Variants in RUNDC3B observed in about 807,000 individuals in gnomAD.
The protein encoded by RUNDC3B is RUN domain containing 3B, also known as RUN domain-containing protein 3B.
A neutral mutation model predicts 58.4 loss-of-function variants in RUNDC3B; 33 were observed. The ratio of observed to expected loss-of-function variants is 0.56; its 90% CI spans 0.43 to 0.75. RUNDC3B has a LOEUF of 0.75. Ranked by LOEUF, RUNDC3B falls within the 30% of genes least tolerant of loss-of-function variation. The pLI is 0.00. For synonymous variants in RUNDC3B, 193 were observed against 195.2 expected (o/e 0.99, Z 0.10); for missense variants, 501 against 535.7 (o/e 0.94, Z 0.64).
chr7:87,819,324 CAAG>C (rs1837270684), intron 10 of RUNDC3B, among the ~76,000 whole-genome samples: 1 of 152,108 alleles, frequency 6.6e-6, no homozygotes, highest in Non-Finnish European at 1.5e-5. Context: ...ATCAATTCAA[CAAG>C]AAGAGCTAAC....
chr7:87,743,480 T>A lies in RUNDC3B; in HGVS notation c.629+1901T>A, dbSNP rs551857080. 1.4e-3 allele frequency among the ~76,000 whole-genome samples: 208 copies of A among 152,308 alleles called. 1 individual carries two copies. Among genetic ancestry groups the A allele is most frequent in the African/African-American group, 4.9e-3 (205 of 41,576 alleles). On this transcript the variant is annotated intron_variant, in intron 6 of 10. Coordinates refer to ENST00000394654, the MANE Select transcript of RUNDC3B (RefSeq NM_001134405.2). Reference sequence around the variant, plus strand: ...TTGCTGCATCCACACCAACATCTACTGTTTTTTGATTTTTTTTATTATGGC... The same window carrying A: ...TTGCTGCATCCACACCAACATCTACAGTTTTTTGATTTTTTTTATTATGGC...
At chr7:87,801,030 TG>T (rs746647457) in intron 8 of RUNDC3B, among the ~76,000 whole-genome samples, 3 of 152,238 alleles carry the variant, frequency 2.0e-5, no homozygotes, top group Non-Finnish European at 4.4e-5. Context: ...TACAAAATTT[TG>T]AGTGTGTTTT....
At chr7:87,761,353 G>A (rs771184192) in intron 6 of RUNDC3B, among the ~76,000 whole-genome samples, 1 of 151,902 alleles carries the variant, frequency 6.6e-6, no homozygotes, top group Non-Finnish European at 1.5e-5. Flanking sequence ...ATGTGGAGAA[G>A]TTGCATTTCT....
At chr7:87,739,461 T>C (rs186167104) in intron 4 of RUNDC3B, among the ~76,000 whole-genome samples, 1 of 152,172 alleles carries the variant, frequency 6.6e-6, no homozygotes, top group African/African-American at 2.4e-5. Context: ...TTTACATTTA[T>C]ATTGCTTCAC....
intron 1 of RUNDC3B, among the ~76,000 whole-genome samples, chr7:87,630,528 A>T (rs1274443991): frequency 6.6e-6 from 1 of 152,124 alleles, no homozygotes; most frequent in South Asian, 2.1e-4. Context: ...AGCAAGGCTG[A>T]TTTTCTTAAC....
chr7:87,705,988 G>T (rs540836613), intron 3 of RUNDC3B, among the ~76,000 whole-genome samples: 7 of 152,114 alleles, frequency 4.6e-5, no homozygotes, highest in African/African-American at 1.4e-4. Flanking sequence ...CTGTCTTCTT[G>T]TATATTTTGT....
At chr7:87,730,548 T>C (rs758142190) in intron 4 of RUNDC3B, among the ~76,000 whole-genome samples, 1 of 151,884 alleles carries the variant, frequency 6.6e-6, no homozygotes, top group Non-Finnish European at 1.5e-5. Context: ...CACAGTAGAA[T>C]AGAGCACCAG....
intron 2 of RUNDC3B, among the ~76,000 whole-genome samples, chr7:87,672,366 C>G (rs1585058987): frequency 6.6e-6 from 1 of 152,152 alleles, no homozygotes; most frequent in Admixed American, 6.5e-5. Flanking sequence ...GGTGCCCAAA[C>G]AGCATAGATG....
intron 8 of RUNDC3B, among the ~76,000 whole-genome samples, chr7:87,785,121 A>G (rs1396173408): frequency 6.6e-6 from 1 of 151,942 alleles, no homozygotes; most frequent in African/African-American, 2.4e-5. Context: ...AGCCTGGCAA[A>G]TGGCTGTGGG....
intron 4 of RUNDC3B, among the ~76,000 whole-genome samples, chr7:87,728,595 ATCT>A (rs1161325604): frequency 3.9e-5 from 6 of 152,092 alleles, no homozygotes; most frequent in African/African-American, 9.7e-5. Flanking sequence ...CTTTTGTCAC[ATCT>A]TCTTCTCTGA....
At chr7:87,658,777 T>C (rs1290408919) in intron 2 of RUNDC3B, among the ~76,000 whole-genome samples, 2 of 152,164 alleles carry the variant, frequency 1.3e-5, no homozygotes, top group Non-Finnish European at 2.9e-5. Context: ...TCTTCAGCAA[T>C]GAAGGAAACA....
intron 2 of RUNDC3B, among the ~76,000 whole-genome samples, chr7:87,654,702 G>A (rs1025301741): frequency 3.9e-5 from 6 of 151,930 alleles, no homozygotes; most frequent in Non-Finnish European, 7.4e-5. Flanking sequence ...ACAAGCACAG[G>A]CAACTAAAGG....
chr7:87,739,575 G>GT (rs1293319028), intron 4 of RUNDC3B, among the ~76,000 whole-genome samples: 1 of 151,880 alleles, frequency 6.6e-6, no homozygotes, highest in Non-Finnish European at 1.5e-5. Flanking sequence ...ATATTGGCAG[G>GT]TTTTAGTTTC....
At chr7:87,683,639 A>C (rs531211310) in intron 2 of RUNDC3B, among the ~76,000 whole-genome samples, 53 of 152,318 alleles carry the variant, frequency 3.5e-4, no homozygotes, top group African/African-American at 1.2e-3. Flanking sequence ...GGTGTGGTTC[A>C]TGGCGCCCCA....
chr7:87,708,980 C>T (rs1438490488), intron 3 of RUNDC3B, among the ~76,000 whole-genome samples: 4 of 152,160 alleles, frequency 2.6e-5, no homozygotes, highest in African/African-American at 9.6e-5. Flanking sequence ...CTGAAAACAT[C>T]TAAATTCCTT....
intron 2 of RUNDC3B, among the ~76,000 whole-genome samples, chr7:87,683,893 G>A (rs1358809967): frequency 6.6e-6 from 1 of 152,038 alleles, no homozygotes; most frequent in Non-Finnish European, 1.5e-5. Flanking sequence ...ATTAAAACAA[G>A]AAATGACTGT....
rs1838141478 is a variant in RUNDC3B, at chr7:87,831,806, A to G, written c.*1776A>G. On this transcript the variant is annotated 3_prime_UTR_variant, in exon 11 of 11. Transcript: ENST00000394654. Reference sequence around the variant, plus strand: ...TATTGCTGCTTTCCTATGAACTATCAGAATGTTTAAATGCTTTATCATTCA... The same window carrying G: ...TATTGCTGCTTTCCTATGAACTATCGGAATGTTTAAATGCTTTATCATTCA... The G allele has an allele frequency of 6.6e-6, 1 of 152,004 alleles. No individual in the cohort carries two copies. Among genetic ancestry groups the G allele is most frequent in the Admixed American group, 6.6e-5 (1 of 15,212 alleles). 9.4% of individuals were successfully genotyped at this position (152,004 alleles called of 1,614,324 possible).
At chr7:87,802,182 A>G (rs565657658) in intron 8 of RUNDC3B, among the ~76,000 whole-genome samples, 5 of 152,254 alleles carry the variant, frequency 3.3e-5, no homozygotes, top group Admixed American at 6.5e-5. Context: ...ACTTGAGCCC[A>G]GGAGTTTGAG....
chr7:87,773,090 G>A (rs1419717904), intron 7 of RUNDC3B, among the ~76,000 whole-genome samples: 11 of 151,964 alleles, frequency 7.2e-5, no homozygotes, highest in Admixed American at 2.0e-4. Flanking sequence ...TTGGGAGGCC[G>A]AGGCGGGCGG....
Sources: gnomAD v4.1 joint callset for allele counts (sites outside exome capture counted in the v4.1 genomes callset) on GRCh38, gnomAD v4.1.1 for gene constraint, MANE v1.5 for transcripts, NCBI Gene and HGNC (gene_info 2026-07-23, HGNC 2026-07-21) for gene names.